ATP6V1E2: variants seen among roughly 807,000 people sequenced by gnomAD.
ATP6V1E2 encodes the protein ATPase H+ transporting V1 subunit E2, also known as V-type proton ATPase subunit E 2.
For synonymous variants in ATP6V1E2, 121 were observed against 104.2 expected, an observed-to-expected ratio of 1.16 and a Z score of -0.98; for missense variants, 308 against 273.3, an observed-to-expected ratio of 1.13 and a Z score of -0.90.
intron 4 of ATP6V1E2, chr2:46,519,383 G>C (rs1666487042): frequency 6.6e-6 from 1 of 152,214 alleles, no homozygotes; most frequent in African/African-American, 2.4e-5. Flanking sequence ...TCTGAAGGTT[G>C]TTTAATAAGA....
At chr2:46,516,854 C>T (rs1687733107) in intron 4 of ATP6V1E2, among the ~76,000 whole-genome samples, 1 of 151,990 alleles carries the variant, frequency 6.6e-6, no homozygotes, top group African/African-American at 2.4e-5. Context: ...AATGGAAAGA[C>T]ATCCCATGTT....
intron 2 of ATP6V1E2, among the ~76,000 whole-genome samples, chr2:46,538,774 G>C (rs1438132463): frequency 2.6e-5 from 4 of 152,058 alleles, no homozygotes; most frequent in African/African-American, 9.7e-5. Flanking sequence ...AGTTTAGTTA[G>C]CAAAAGAGGA....
intron 4 of ATP6V1E2, among the ~76,000 whole-genome samples, chr2:46,532,152 CT>C (rs1467985489): frequency 6.6e-6 from 1 of 152,034 alleles, no homozygotes; most frequent in East Asian, 1.9e-4. Flanking sequence ...TAGCTCATGT[CT>C]TTTGGTTGTC....
At chr2:46,525,929 C>T (rs1666897353) in intron 4 of ATP6V1E2, among the ~76,000 whole-genome samples, 1 of 150,744 alleles carries the variant, frequency 6.6e-6, no homozygotes, top group African/African-American at 2.4e-5. Flanking sequence ...TCATTTCCAT[C>T]CCTGTCTAAA....
intron 4 of ATP6V1E2, chr2:46,534,709 T>C (rs987208845): frequency 3.9e-5 from 6 of 152,206 alleles, no homozygotes; most frequent in African/African-American, 1.4e-4. Context: ...TTTCTAAACC[T>C]TGTTGGAGGA....
chr2:46,519,860 T>C (rs986133550), intron 4 of ATP6V1E2: 1 of 152,236 alleles, frequency 6.6e-6, no homozygotes, highest in Non-Finnish European at 1.5e-5. Context: ...TACCTATGAA[T>C]GATTAGGTTT....
chr2:46,534,134 GT>G (rs1667326940), intron 4 of ATP6V1E2, among the ~76,000 whole-genome samples: 1 of 152,134 alleles, frequency 6.6e-6, no homozygotes, highest in African/African-American at 2.4e-5. Flanking sequence ...TTTGGGACTT[GT>G]TTTTGGCCTT....
chr2:46,540,762 C>T (rs1667713654), intron 2 of ATP6V1E2, among the ~76,000 whole-genome samples: 1 of 152,074 alleles, frequency 6.6e-6, no homozygotes, highest in South Asian at 2.1e-4. Context: ...CCCCCCTCCC[C>T]ATCCCACATA....
At position 46,511,944 on chromosome 2, in the gene ATP6V1E2, A is replaced by T; in HGVS notation, c.*87T>A. 1 of 1,165,692 alleles carries T rather than the reference A, an allele frequency of 8.6e-7. No homozygotes were observed. Among genetic ancestry groups the T allele is most frequent in the Non-Finnish European group, 1.2e-6 (1 of 827,006 alleles). The allele number at this position is 1,165,692 out of a possible 1,614,324, so 72.2% of individuals were successfully genotyped here. On this transcript the variant is annotated 3_prime_UTR_variant, in exon 5 of 5. Transcript: ENST00000522587. ...ACAGAACAGTATCAGAGCATCAAAGAGGAGGAAACACTACTAGTTTCCTTT... is the reference window on the plus strand; with the variant it reads ...ACAGAACAGTATCAGAGCATCAAAGTGGAGGAAACACTACTAGTTTCCTTT...
In ATP6V1E2 at chr2:46,511,871, T is replaced by G. The variant is rs1687471721; in HGVS notation, c.*160A>C. 1 of 629,062 alleles carries G rather than the reference T, an allele frequency of 1.6e-6. No homozygotes were observed. Among genetic ancestry groups the G allele is most frequent in the South Asian group, 2.8e-5 (1 of 35,614 alleles). 39.0% of individuals were successfully genotyped at this position (629,062 alleles called of 1,614,324 possible). A position where few individuals can be genotyped will look rare whatever the true frequency, so the allele number is the denominator to read the frequency against. On this transcript the variant is annotated 3_prime_UTR_variant, in exon 5 of 5. Transcript: ENST00000522587. ...ATTCTGAGCATTAATTTGGGCTTTA[T>G]TTCAAAGTTAACACTTTAGCTATCC...
At chr2:46,519,824 A>G (rs4952830) in intron 4 of ATP6V1E2, 47,755 of 152,026 alleles carry the variant, frequency 0.31, 8,006 homozygotes, top group Middle Eastern at 0.39. Flanking sequence ...CTCACTCTTC[A>G]TCATAGTTGT....
At chr2:46,537,794 G>A (rs950811399) in intron 2 of ATP6V1E2, among the ~76,000 whole-genome samples, 1 of 152,058 alleles carries the variant, frequency 6.6e-6, no homozygotes, top group African/African-American at 2.4e-5. Flanking sequence ...GCAGACATGA[G>A]GGAACACACA....
intron 4 of ATP6V1E2, among the ~76,000 whole-genome samples, chr2:46,525,293 T>G (rs1228241903): frequency 2.6e-5 from 4 of 151,472 alleles, no homozygotes; most frequent in African/African-American, 9.7e-5. Context: ...AAACCCCGTC[T>G]CTACTAAAAA....
chr2:46,540,384 G>A (rs985941566), intron 2 of ATP6V1E2, among the ~76,000 whole-genome samples: 1 of 146,558 alleles, frequency 6.8e-6, no homozygotes, highest in Non-Finnish European at 1.5e-5. Context: ...TCATGCCTTT[G>A]CACTCCAGCC....
chr2:46,525,345 C>T (rs1666850082), intron 4 of ATP6V1E2, among the ~76,000 whole-genome samples: 1 of 151,750 alleles, frequency 6.6e-6, no homozygotes, highest in Non-Finnish European at 1.5e-5. Flanking sequence ...GCCTGTAGTC[C>T]CAGCTACTCG....
intron 4 of ATP6V1E2, among the ~76,000 whole-genome samples, chr2:46,516,354 C>T (rs1352506366): frequency 5.9e-5 from 9 of 152,068 alleles, no homozygotes; most frequent in African/African-American, 1.7e-4. Flanking sequence ...GGAATGAAAC[C>T]GGAAATCAAT....
At chr2:46,519,018 C>G (rs533052767) in intron 4 of ATP6V1E2, 1 of 152,248 alleles carries the variant, frequency 6.6e-6, no homozygotes, top group African/African-American at 2.4e-5. Context: ...TTGGAACGCA[C>G]GCTGGAACCT....
At chr2:46,517,841 A>G (rs1318644626) in intron 4 of ATP6V1E2, among the ~76,000 whole-genome samples, 1 of 152,234 alleles carries the variant, frequency 6.6e-6, no homozygotes, top group Non-Finnish European at 1.5e-5. Flanking sequence ...AAAAGAAGAA[A>G]GAAAAAGAAA....
intron 4 of ATP6V1E2, chr2:46,527,818 G>A (rs1666997688): frequency 6.6e-6 from 1 of 152,120 alleles, no homozygotes; most frequent in South Asian, 2.1e-4. Flanking sequence ...TTGGCCATTT[G>A]CTTATCTTCT....
Sources: allele counts gnomAD v4.1 joint callset (sites outside exome capture counted in the v4.1 genomes callset), GRCh38; gene constraint gnomAD v4.1.1; transcripts MANE v1.5; gene names NCBI Gene and HGNC (gene_info 2026-07-23, HGNC 2026-07-21).